Variants in GPM6B observed in about 807,000 individuals in gnomAD.
GPM6B encodes neuronal membrane glycoprotein M6-b.
In GPM6B, 4 loss-of-function variants were observed where a neutral mutation model predicts 27.2. The ratio of observed to expected loss-of-function variants is 0.15; its 90% CI spans 0.07 to 0.34. GPM6B has a LOEUF of 0.34. Among genes scored for constraint, GPM6B ranks in the 10% least tolerant of loss-of-function variants. The pLI, the probability that GPM6B is intolerant of heterozygous loss-of-function variation, is 1.00. For missense variants in GPM6B, 183 were observed against 261.9 expected, an observed-to-expected ratio of 0.70 and a Z score of 2.08; for synonymous variants, 124 against 103.1, an observed-to-expected ratio of 1.20 and a Z score of -1.23.
intron 2 of GPM6B, among the ~76,000 whole-genome samples, chrX:13,806,207 C>A (rs1423335152): frequency 1.8e-5 from 2 of 111,619 alleles, no homozygotes; most frequent in East Asian, 5.6e-4. Flanking sequence ...CTCTGGCAAC[C>A]ATTAACCTAC....
In GPM6B at chrX:13,807,657, G is replaced by A; in HGVS notation, c.174C>T (p.Ser58=). ...PTLGDRASPL[S]SPGCFECCIK... is the part of the protein sequence containing the mutation. ...CCCCAAGGCTGTATTTACCTGGACT[G>A]CTCAAGGGGCTAGCCCTGTCCCCCA... Residue 58 remains serine (S), a synonymous_variant, in exon 2 of 8, where the codon AGC becomes AGT. Coordinates refer to ENST00000316715, the MANE Select transcript of GPM6B (RefSeq NM_001001995.3). 8.4e-7 allele frequency: 1 copy of A among 1,194,113 alleles called. No individual in the cohort carries two copies. The highest frequency in any genetic ancestry group is 1.1e-6 in the Non-Finnish European group (1 of 883,569).
intron 1 of GPM6B, among the ~76,000 whole-genome samples, chrX:13,852,327 TATA>T (rs1167513174): frequency 1.8e-5 from 2 of 111,675 alleles, no homozygotes; most frequent in Admixed American, 1.9e-4. Flanking sequence ...TTATTTCACT[TATA>T]ATACCTTGAT....
At chrX:13,776,178 T>C (rs1439095043) in intron 7 of GPM6B, 60 bp downstream of exon 7, 2 of 954,591 alleles carry the variant, frequency 2.1e-6, no homozygotes, top group Admixed American at 2.3e-5. Flanking sequence ...AAGGGAAATC[T>C]GTCATTTAGA....
rs754359552 is a variant in GPM6B, at chrX:13,789,138, C to T, written c.182-3330G>A. Among the ~76,000 whole-genome samples the T allele has an allele frequency of 9.8e-5, 11 of 111,982 alleles. No homozygotes were observed. In the East Asian group the frequency reaches 2.8e-3, roughly 28 times the overall value. ...GAAAAATTTATAGGACATAATACAG[C>T]TGGATGTAGAGCTTATTCTAGCTTG... On this transcript the variant is annotated intron_variant, in intron 2 of 7. Coordinates refer to ENST00000316715, the MANE Select transcript of GPM6B (RefSeq NM_001001995.3).
At chrX:13,935,766 G>C (rs1433532915) in intron 1 of GPM6B, among the ~76,000 whole-genome samples, 1 of 112,327 alleles carries the variant, frequency 8.9e-6, no homozygotes, top group Non-Finnish European at 1.9e-5. Context: ...GTGTGTGTCT[G>C]TGTGCTGTGT....
intron 1 of GPM6B, among the ~76,000 whole-genome samples, chrX:13,903,007 C>A (rs2050295685): frequency 8.9e-6 from 1 of 112,179 alleles, no homozygotes; most frequent in African/African-American, 3.2e-5. Context: ...GACCCTGGGT[C>A]CTAGAAATGA....
chrX:13,859,369 T>C (rs369074264), intron 1 of GPM6B, among the ~76,000 whole-genome samples: 1 of 112,157 alleles, frequency 8.9e-6, no homozygotes, highest in East Asian at 2.8e-4. Flanking sequence ...ACATAATGTT[T>C]GAGATTTTTC....
chrX:13,787,768 T>C (rs929579732), intron 2 of GPM6B, among the ~76,000 whole-genome samples: 16 of 111,914 alleles, frequency 1.4e-4, no homozygotes, highest in East Asian at 5.6e-4. Flanking sequence ...ACTAGAATCC[T>C]TGGCCTTGAC....
chrX:13,839,844 T>C (rs779620282), intron 1 of GPM6B, among the ~76,000 whole-genome samples: 1 of 112,231 alleles, frequency 8.9e-6, no homozygotes, highest in South Asian at 3.8e-4. Flanking sequence ...GATTCTAAAG[T>C]TCTTATCGGA....
At chrX:13,822,435 G>T (rs763541121) in intron 1 of GPM6B, among the ~76,000 whole-genome samples, 2 of 109,780 alleles carry the variant, frequency 1.8e-5, no homozygotes, top group East Asian at 5.7e-4. Context: ...GTGCAATCTC[G>T]GCTCACTGTA....
chrX:13,858,180 C>T (rs2049803065), intron 1 of GPM6B, among the ~76,000 whole-genome samples: 1 of 112,078 alleles, frequency 8.9e-6, no homozygotes, highest in Admixed American at 9.5e-5. Flanking sequence ...GAAACAACAA[C>T]AAAAATCCTA....
chrX:13,784,842 T>C (rs1392627856), intron 3 of GPM6B, among the ~76,000 whole-genome samples: 1 of 111,970 alleles, frequency 8.9e-6, no homozygotes, highest in African/African-American at 3.2e-5. Context: ...CAATGGAGGA[T>C]GCCCTGGGAT....
chrX:13,893,251 T>C (rs139988926), intron 1 of GPM6B, among the ~76,000 whole-genome samples: 1,329 of 111,401 alleles, frequency 0.012, 17 homozygotes, highest in African/African-American at 0.041. Flanking sequence ...GTAGCATTTC[T>C]TAAACATGGT....
At chrX:13,826,016 C>A (rs140847118) in intron 1 of GPM6B, among the ~76,000 whole-genome samples, 110 of 111,768 alleles carry the variant, frequency 9.8e-4, no homozygotes, top group Non-Finnish European at 6.0e-4. Flanking sequence ...GGAATTTCAT[C>A]TTAGAAGAGG....
intron 1 of GPM6B, among the ~76,000 whole-genome samples, chrX:13,826,012 T>G (rs1297564947): frequency 9.0e-6 from 1 of 111,706 alleles, no homozygotes; most frequent in Non-Finnish European, 1.9e-5. Flanking sequence ...TTAAGGAATT[T>G]CATCTTAGAA....
chrX:13,849,480 A>G (rs1401959831), intron 1 of GPM6B, among the ~76,000 whole-genome samples: 1 of 111,940 alleles, frequency 8.9e-6, no homozygotes, highest in Non-Finnish European at 1.9e-5. Context: ...TGGGTGTATC[A>G]TAAATACAGA....
chrX:13,825,755 C>T (rs1010889653), intron 1 of GPM6B, among the ~76,000 whole-genome samples: 2 of 112,261 alleles, frequency 1.8e-5, no homozygotes, highest in African/African-American at 6.5e-5. Flanking sequence ...GAGAAAGATG[C>T]AGGCAGCTTA....
intron 1 of GPM6B, among the ~76,000 whole-genome samples, chrX:13,935,146 A>G (rs1672101712): frequency 9.0e-6 from 1 of 111,501 alleles, no homozygotes; most frequent in African/African-American, 3.3e-5. Flanking sequence ...AATGGGTTGA[A>G]ACAATTATTT....
At chrX:13,904,079 A>G (rs984527275) in intron 1 of GPM6B, among the ~76,000 whole-genome samples, 1 of 111,979 alleles carries the variant, frequency 8.9e-6, no homozygotes, top group Non-Finnish European at 1.9e-5. Flanking sequence ...AAATGCACGA[A>G]AAAATATACA....
Sources: allele counts gnomAD v4.1 joint callset (sites outside exome capture counted in the v4.1 genomes callset), GRCh38; gene constraint gnomAD v4.1.1; transcripts MANE v1.5; gene names NCBI Gene and HGNC (gene_info 2026-07-23, HGNC 2026-07-21).